The following ATP9A variants were observed in gnomAD, a reference collection of about 807,000 sequenced individuals.
The protein encoded by ATP9A is probable phospholipid-transporting ATPase IIA.
In ATP9A, 52 loss-of-function variants were observed where a neutral mutation model predicts 144.1. That is an observed-to-expected ratio of 0.36 (90% CI 0.29 to 0.45). ATP9A has a LOEUF of 0.45. Ranked by LOEUF, ATP9A falls within the 20% of genes least tolerant of loss-of-function variation. The probability of loss-of-function intolerance (pLI) is 1.00; values close to 1 mark genes in which losing one functional copy is unlikely to be tolerated. For missense variants in ATP9A, 947 were observed against 1,392.7 expected, an observed-to-expected ratio of 0.68 and a Z score of 5.09; for synonymous variants, 582 against 557.4, an observed-to-expected ratio of 1.04 and a Z score of -0.62.
intron 7 of ATP9A, among the ~76,000 whole-genome samples, chr20:51,693,198 G>T (rs1241037981): frequency 6.6e-6 from 1 of 152,250 alleles, no homozygotes; most frequent in Non-Finnish European, 1.5e-5. Context: ...CTGGAAGTGA[G>T]TGAAGCAGGG....
At chr20:51,748,718 GA>G (rs2077818525) in intron 1 of ATP9A, among the ~76,000 whole-genome samples, 1 of 152,122 alleles carries the variant, frequency 6.6e-6, no homozygotes, top group South Asian at 2.1e-4. Flanking sequence ...TCCCCTTCCA[GA>G]TATTCCGTGC....
rs535648392 is a variant in ATP9A, at chr20:51,629,781, G to A, written c.1669-709C>T. On this transcript the variant is annotated intron_variant, in intron 15 of 27. Coordinates refer to ENST00000338821, the MANE Select transcript of ATP9A (RefSeq NM_006045.3). ...CCATGGCACAGGCATCAAATGCTTG[G>A]ACCAAGTACCAGTTTCTAGTTGTGT... Among the ~76,000 whole-genome samples, 4 of 152,292 alleles carry A rather than the reference G, an allele frequency of 2.6e-5. No homozygotes were observed. The South Asian group carries it at 8.3e-4, about 32-fold the overall frequency.
intron 1 of ATP9A, among the ~76,000 whole-genome samples, chr20:51,747,324 C>A (rs768642518): frequency 5.3e-5 from 8 of 151,996 alleles, no homozygotes; most frequent in Non-Finnish European, 1.2e-4. Context: ...GCAAGTCCTG[C>A]CAGAGGGAGG....
chr20:51,708,615 A>T (rs772564291), intron 4 of ATP9A, among the ~76,000 whole-genome samples: 39 of 152,170 alleles, frequency 2.6e-4, no homozygotes, highest in Non-Finnish European at 1.2e-4. Context: ...CACACCCGTA[A>T]TCCCAGCTGC....
At chr20:51,710,895 G>A (rs1461531782) in intron 4 of ATP9A, among the ~76,000 whole-genome samples, 1 of 152,154 alleles carries the variant, frequency 6.6e-6, no homozygotes, top group Non-Finnish European at 1.5e-5. Context: ...AAGCCCGGAT[G>A]GATGAATGAA....
intron 4 of ATP9A, among the ~76,000 whole-genome samples, chr20:51,699,570 G>A (rs1387800088): frequency 2.6e-5 from 4 of 152,012 alleles, no homozygotes; most frequent in East Asian, 1.9e-4. Flanking sequence ...TTTGTGTGTC[G>A]TTAAATCTTG....
intron 8 of ATP9A, among the ~76,000 whole-genome samples, chr20:51,689,376 C>T (rs942563950): frequency 1.8e-4 from 28 of 152,048 alleles, no homozygotes; most frequent in Admixed American, 7.2e-4. Flanking sequence ...ATTTAAGAAG[C>T]GCAGGCCTCT....
At chr20:51,646,491 G>A (rs1262333248) in intron 14 of ATP9A, among the ~76,000 whole-genome samples, 1 of 152,146 alleles carries the variant, frequency 6.6e-6, no homozygotes, top group East Asian at 1.9e-4. Context: ...CAGACACACG[G>A]TTTTCTTCAC....
chr20:51,663,959 C>A (rs2077422309), intron 13 of ATP9A, among the ~76,000 whole-genome samples: 1 of 150,972 alleles, frequency 6.6e-6, no homozygotes, highest in African/African-American at 2.4e-5. Context: ...CTCACACGCT[C>A]ATAAAAAAAA....
intron 4 of ATP9A, among the ~76,000 whole-genome samples, chr20:51,709,671 G>A (rs2077629584): frequency 6.6e-6 from 1 of 152,202 alleles, no homozygotes; most frequent in Non-Finnish European, 1.5e-5. Context: ...AGGTTGCAGT[G>A]AGTCCAGGTC....
At chr20:51,669,909 T>C (rs1474937619) in intron 13 of ATP9A, 88 bp downstream of exon 13, 8 of 886,470 alleles carry the variant, frequency 9.0e-6, no homozygotes, top group Non-Finnish European at 1.5e-5. Flanking sequence ...ATGGGTGAAT[T>C]GTACGGTATT....
At chr20:51,733,964 T>C (rs899245261) in intron 1 of ATP9A, among the ~76,000 whole-genome samples, 5 of 152,030 alleles carry the variant, frequency 3.3e-5, no homozygotes, top group Non-Finnish European at 7.4e-5. Flanking sequence ...TGTGCCACCA[T>C]GCCTGGCCCC....
At chr20:51,690,876 G>C in intron 7 of ATP9A, 57 bp from the exon 8 acceptor site, 1 of 1,366,138 alleles carries the variant, frequency 7.3e-7, no homozygotes. Context: ...CAAGACTTCA[G>C]GAGGCATCCA....
chr20:51,673,332 C>T (rs1468975647), intron 11 of ATP9A, among the ~76,000 whole-genome samples: 1 of 152,072 alleles, frequency 6.6e-6, no homozygotes, highest in African/African-American at 2.4e-5. Flanking sequence ...TGAGATCGCA[C>T]CACTGCACTC....
At chr20:51,670,777 A>G (rs924328684) in intron 12 of ATP9A, among the ~76,000 whole-genome samples, 5 of 152,158 alleles carry the variant, frequency 3.3e-5, no homozygotes, top group African/African-American at 1.2e-4. Context: ...CCTGAGTTAA[A>G]GCTTGCTTCG....
intron 14 of ATP9A, among the ~76,000 whole-genome samples, chr20:51,652,843 T>C (rs1424854787): frequency 6.6e-6 from 1 of 151,990 alleles, no homozygotes; most frequent in Non-Finnish European, 1.5e-5. Flanking sequence ...TCGCAGTGGC[T>C]CACGCCTGTA....
At chr20:51,768,202 GCGCGGCGCGCGGCCAAC>G in intron 1 of ATP9A, 83 bp downstream of exon 1, 1 of 695,228 alleles carries the variant, frequency 1.4e-6, no homozygotes, top group Non-Finnish European at 1.9e-6. Flanking sequence ...ATGGCGCCGG[GCGCGGCGCGCGGCCAAC>G]CTGTCAGGCC....
rs2077215361 is a variant in ATP9A at position 51,619,027 on chromosome 20, T to C, written c.2132A>G (p.Glu711Gly). The C allele has an allele frequency of 6.2e-7, 1 of 1,613,818 alleles. No individual in the cohort carries two copies. The highest frequency in any genetic ancestry group is 8.5e-7 in the Non-Finnish European group (1 of 1,179,942). The change falls in exon 20 of 28, where the codon GAG becomes GGG. Residue 711 changes from glutamate to glycine, a missense_variant. By Grantham distance (98) the Glu-to-Gly change is moderately conservative. Transcript: ENST00000338821. ...HVFRLVTNRG[E>G]AHLELNAFRR... Reference sequence around the variant, plus strand: ...GAAGGCGTTCAGCTCGAGGTGAGCCTCCCCGCGGTTGGTCACCTGGAAGGG... The same window carrying C: ...GAAGGCGTTCAGCTCGAGGTGAGCCCCCCCGCGGTTGGTCACCTGGAAGGG...
intron 15 of ATP9A, 103 bp from the exon 16 acceptor site, chr20:51,629,175 G>T: frequency 1.2e-6 from 1 of 822,996 alleles, no homozygotes; most frequent in Non-Finnish European, 1.9e-6. Flanking sequence ...GCACTTAACA[G>T]ACACCAATGT....
Sources: gnomAD v4.1 joint callset for allele counts (sites outside exome capture counted in the v4.1 genomes callset) on GRCh38, gnomAD v4.1.1 for gene constraint, MANE v1.5 for transcripts, NCBI Gene and HGNC (gene_info 2026-07-23, HGNC 2026-07-21) for gene names.